SH3PXD2A: variants seen among roughly 807,000 people sequenced by gnomAD.
The protein encoded by SH3PXD2A is SH3 and PX domain-containing protein 2A.
In SH3PXD2A, 32 loss-of-function variants were observed where a neutral mutation model predicts 115.2. The observed-to-expected ratio is 0.28, with a 90% CI of 0.21 to 0.37. The LOEUF (loss-of-function observed/expected upper bound fraction) is 0.37. Ranked by LOEUF, SH3PXD2A falls within the 10% of genes least tolerant of loss-of-function variation. The pLI is 1.00. For synonymous variants in SH3PXD2A, 610 were observed against 629.1 expected (o/e 0.97, Z 0.45); for missense variants, 1,328 against 1,498.7 (o/e 0.89, Z 1.88).
intron 1 of SH3PXD2A, among the ~76,000 whole-genome samples, chr10:103,848,457 C>T (rs1268766576): frequency 6.6e-6 from 1 of 152,154 alleles, no homozygotes. Flanking sequence ...ATTTAGCTCC[C>T]TCTCCCTGCC....
At chr10:103,707,737 G>A (rs1024947154) in intron 5 of SH3PXD2A, among the ~76,000 whole-genome samples, 1 of 152,074 alleles carries the variant, frequency 6.6e-6, no homozygotes, top group Non-Finnish European at 1.5e-5. Context: ...TGTCCCAGAA[G>A]AGGAAGCTGA....
intron 1 of SH3PXD2A, among the ~76,000 whole-genome samples, chr10:103,817,902 G>A (rs906377156): frequency 7.2e-5 from 11 of 152,142 alleles, no homozygotes; most frequent in Non-Finnish European, 1.5e-5. Flanking sequence ...TGTGGTTGCC[G>A]AGAGCTGTGG....
At chr10:103,703,035 C>G (rs976822805) in intron 5 of SH3PXD2A, among the ~76,000 whole-genome samples, 1 of 152,240 alleles carries the variant, frequency 6.6e-6, no homozygotes, top group Non-Finnish European at 1.5e-5. Context: ...CCCTAACTCC[C>G]CAGCCCTGGC....
chr10:103,755,993 C>A (rs1410749701), intron 3 of SH3PXD2A, among the ~76,000 whole-genome samples: 7 of 152,182 alleles, frequency 4.6e-5, no homozygotes, highest in Non-Finnish European at 1.0e-4. Flanking sequence ...TCCACATTTG[C>A]CTCCTCCCTT....
At chr10:103,653,371 C>G (rs1036505439) in intron 8 of SH3PXD2A, among the ~76,000 whole-genome samples, 1 of 152,216 alleles carries the variant, frequency 6.6e-6, no homozygotes, top group Non-Finnish European at 1.5e-5. Context: ...GTTTGTCCCC[C>G]AAAGGGAAGG....
chr10:103,596,663 A>ACACTCTCTCTCTCTCTCTCTCTCT lies in SH3PXD2A; in HGVS notation c.*5152_*5153insAGAGAGAGAGAGAGAGAGAGAGTG. 1 of 124,510 alleles carries ACACTCTCTCTCTCTCTCTCTCTCT rather than the reference A, an allele frequency of 8.0e-6. No individual in the cohort carries two copies. Among genetic ancestry groups the ACACTCTCTCTCTCTCTCTCTCTCT allele is most frequent in the South Asian group, 2.9e-4 (1 of 3,420 alleles). The allele number at this position is 124,510 out of a possible 1,614,324, so 7.7% of individuals were successfully genotyped here. On this transcript the variant is annotated 3_prime_UTR_variant, in exon 15 of 15. Coordinates refer to ENST00000369774, the MANE Select transcript of SH3PXD2A (RefSeq NM_001394015.1). Reference sequence around the variant, plus strand: ...CACACACACACACACACACACACACACTCTCTCTCTCTCTCTCTCTCTCAC... The same window carrying ACACTCTCTCTCTCTCTCTCTCTCT: ...CACACACACACACACACACACACACACACTCTCTCTCTCTCTCTCTCTCTCTCTCTCTCTCTCTCTCTCTCTCAC...
Position 103,594,884 on chromosome 10 carries a change from C to A in SH3PXD2A, c.*6932G>T, listed in dbSNP as rs1000565341. ...TTGAGAATGACTGGTACCAACAAGACGACAAAGGAGGTTGCCTTCCTCCCA... is the reference window on the plus strand; with the variant it reads ...TTGAGAATGACTGGTACCAACAAGAAGACAAAGGAGGTTGCCTTCCTCCCA... On this transcript the variant is annotated 3_prime_UTR_variant, in exon 15 of 15. Coordinates refer to ENST00000369774, the MANE Select transcript of SH3PXD2A (RefSeq NM_001394015.1). The A allele has an allele frequency of 6.6e-6, 1 of 152,188 alleles. No homozygotes were observed. Among genetic ancestry groups the A allele is most frequent in the South Asian group, 2.1e-4 (1 of 4,834 alleles). The allele number at this position is 152,188 out of a possible 1,614,324, so 9.4% of individuals were successfully genotyped here. A position where few individuals can be genotyped will look rare whatever the true frequency, so the allele number is the denominator to read the frequency against.
At chr10:103,774,751 A>C (rs575447974) in intron 2 of SH3PXD2A, among the ~76,000 whole-genome samples, 1 of 152,302 alleles carries the variant, frequency 6.6e-6, no homozygotes, top group African/African-American at 2.4e-5. Context: ...GATCTATGGA[A>C]AGTCCTAGGT....
intron 3 of SH3PXD2A, among the ~76,000 whole-genome samples, chr10:103,740,068 G>A (rs1368791045): frequency 3.9e-5 from 6 of 152,218 alleles, no homozygotes; most frequent in Non-Finnish European, 7.3e-5. Flanking sequence ...AGTGGGCAGA[G>A]GAGGAAGGAG....
intron 3 of SH3PXD2A, among the ~76,000 whole-genome samples, chr10:103,751,334 G>A (rs1032779798): frequency 1.3e-5 from 2 of 151,930 alleles, no homozygotes; most frequent in Non-Finnish European, 2.9e-5. Flanking sequence ...TTGTTTCCTT[G>A]CTTAATAATT....
At chr10:103,763,900 G>A (rs974429334) in intron 3 of SH3PXD2A, among the ~76,000 whole-genome samples, 7 of 152,308 alleles carry the variant, frequency 4.6e-5, no homozygotes, top group Admixed American at 1.3e-4. Context: ...AGAGCTCCCC[G>A]TGGGATCAGG....
chr10:103,653,473 G>T (rs1442735103), intron 8 of SH3PXD2A, among the ~76,000 whole-genome samples: 1 of 152,164 alleles, frequency 6.6e-6, no homozygotes, highest in African/African-American at 2.4e-5. Context: ...ATGCCACACC[G>T]AGGCCACCAC....
intron 5 of SH3PXD2A, among the ~76,000 whole-genome samples, chr10:103,712,480 C>T (rs186948986): frequency 5.4e-4 from 82 of 152,356 alleles, no homozygotes; most frequent in Non-Finnish European, 8.7e-4. Context: ...GGAGCCTGTA[C>T]CAGCCAGGCA....
chr10:103,678,866 T>C (rs555842629), intron 6 of SH3PXD2A, among the ~76,000 whole-genome samples: 1 of 152,350 alleles, frequency 6.6e-6, no homozygotes, highest in African/African-American at 2.4e-5. Context: ...AGGTGGCTCC[T>C]GGGCCAACAC....
chr10:103,728,876 G>GT (rs11399791), intron 4 of SH3PXD2A, among the ~76,000 whole-genome samples: 36,953 of 141,620 alleles, frequency 0.26, 5,681 homozygotes, highest in African/African-American at 0.4. Context: ...GCAAAGAGTT[G>GT]TTTTTTTTGT....
chr10:103,652,362 T>G (rs2037139686), intron 8 of SH3PXD2A, among the ~76,000 whole-genome samples: 1 of 152,128 alleles, frequency 6.6e-6, no homozygotes, highest in African/African-American at 2.4e-5. Flanking sequence ...CTGGGTGAAC[T>G]GGGTCACCAC....
intron 1 of SH3PXD2A, among the ~76,000 whole-genome samples, chr10:103,825,499 G>T (rs1015885860): frequency 2.0e-5 from 3 of 152,096 alleles, no homozygotes; most frequent in African/African-American, 7.2e-5. Flanking sequence ...TCTTTGAATT[G>T]TTCATTCGAA....
At chr10:103,758,699 T>C (rs1302964684) in intron 3 of SH3PXD2A, among the ~76,000 whole-genome samples, 1 of 152,242 alleles carries the variant, frequency 6.6e-6, no homozygotes, top group Non-Finnish European at 1.5e-5. Context: ...AGACTGATTT[T>C]TGGGGATGGG....
chr10:103,782,933 T>TGGG (rs1225701178), intron 2 of SH3PXD2A, among the ~76,000 whole-genome samples: 1 of 149,960 alleles, frequency 6.7e-6, no homozygotes, highest in African/African-American at 2.5e-5. Context: ...ATGCATGCCT[T>TGGG]GGGGGGGGGG....
Sources: gnomAD v4.1 joint callset for allele counts (sites outside exome capture counted in the v4.1 genomes callset) on GRCh38, gnomAD v4.1.1 for gene constraint, MANE v1.5 for transcripts, NCBI Gene and HGNC (gene_info 2026-07-23, HGNC 2026-07-21) for gene names.